CACNG6: variants seen among roughly 807,000 people sequenced by gnomAD.
CACNG6 encodes voltage-dependent calcium channel gamma-6 subunit.
In CACNG6, 21 loss-of-function variants were observed where a neutral mutation model predicts 23.9. The ratio of observed to expected loss-of-function variants is 0.88; its 90% CI spans 0.62 to 1.26. CACNG6 has a LOEUF of 1.26. Ranked by LOEUF, CACNG6 falls within the 50% of genes most tolerant of loss-of-function variation. The probability of loss-of-function intolerance (pLI) is 0.00; values close to 1 mark genes in which losing one functional copy is unlikely to be tolerated. For synonymous variants in CACNG6, 182 were observed against 168.9 expected, an observed-to-expected ratio of 1.08 and a Z score of -0.60; for missense variants, 340 against 352.9, an observed-to-expected ratio of 0.96 and a Z score of 0.29.
chr19:53,992,877 G>T lies in CACNG6; in HGVS notation c.-1G>T, dbSNP rs781663388. Reference sequence around the variant, plus strand: ...CCCTTCCCGACCCCACCGGCCATAAGATGATGTGGTCCAACTTCTTCCTGC... The same window carrying T: ...CCCTTCCCGACCCCACCGGCCATAATATGATGTGGTCCAACTTCTTCCTGC... On this transcript the variant is annotated 5_prime_UTR_variant, in exon 1 of 4. Transcript: ENST00000252729. This position sits in a 1 kb window ranked among gnomAD's most constrained non-coding sequence, Gnocchi z 4.1. The T allele has an allele frequency of 9.3e-6, 13 of 1,394,284 alleles. No homozygotes were observed. In the African/African-American group the frequency reaches 1.8e-4, roughly 19 times the overall value. The allele number at this position is 1,394,284 out of a possible 1,614,324, so 86.4% of individuals were successfully genotyped here. A position where few individuals can be genotyped will look rare whatever the true frequency, so the allele number is the denominator to read the frequency against.
intron 3 of CACNG6, among the ~76,000 whole-genome samples, chr19:54,004,912 T>TAAATAAATAAATAAATAAATAAA (rs1385957632): frequency 2.1e-4 from 32 of 151,778 alleles, no homozygotes; most frequent in African/African-American, 7.5e-4. Flanking sequence ...AATAAATAAA[T>TAAATAAATAAATAAATAAATAAA]AAATAAATAA....
At position 53,995,339 on chromosome 19, in the gene CACNG6, C is replaced by T. The variant is rs190047099; in HGVS notation, c.331+2131C>T. Among the ~76,000 whole-genome samples the T allele has an allele frequency of 3.3e-5, 5 of 152,256 alleles. No homozygotes were observed. In the East Asian group the frequency reaches 9.7e-4, roughly 29 times the overall value. On this transcript the variant is annotated intron_variant, in intron 1 of 3. Coordinates refer to ENST00000252729, the MANE Select transcript of CACNG6 (RefSeq NM_145814.2). ...ACGTTATCTTACAAACCCAACCCCT[C>T]AGAGGACATCTCTCAATCTTCATTA...
At chr19:53,998,627 T>A (rs1438123723) in intron 2 of CACNG6, among the ~76,000 whole-genome samples, 1 of 149,968 alleles carries the variant, frequency 6.7e-6, no homozygotes, top group Non-Finnish European at 1.5e-5. Context: ...TTCACCTACC[T>A]CAGCCTCCTG....
In CACNG6 at chr19:53,999,536, C is replaced by A. The variant is rs560941444; in HGVS notation, c.407-98C>A. 1.6e-5 allele frequency: 22 copies of A among 1,412,462 alleles called. 1 individual carries two copies. The South Asian group carries it at 2.0e-4, about 13-fold the overall frequency. 87.5% of individuals were successfully genotyped at this position (1,412,462 alleles called of 1,614,324 possible). A position where few individuals can be genotyped will look rare whatever the true frequency, so the allele number is the denominator to read the frequency against. ...CTACTTGAAAATTCTTCTCTCGTCC[C>A]GAATCTTACATCTTCCTGGTTCTGG... On this transcript the variant is annotated intron_variant, in intron 2 of 3. Transcript: ENST00000252729.
At chr19:54,001,761 G>A (rs2069578107) in intron 3 of CACNG6, among the ~76,000 whole-genome samples, 2 of 152,184 alleles carry the variant, frequency 1.3e-5, no homozygotes, top group African/African-American at 4.8e-5. Flanking sequence ...AGTGTGACAG[G>A]AGTGTGGAGA....
chr19:54,002,122 C>T (rs1053937621), intron 3 of CACNG6, among the ~76,000 whole-genome samples: 2 of 151,560 alleles, frequency 1.3e-5, no homozygotes, highest in African/African-American at 2.4e-5. Context: ...GGGTCTCGCT[C>T]TCTCATCCAG....
chr19:53,992,864 C>A lies in CACNG6; in HGVS notation c.-14C>A. The A allele has an allele frequency of 7.3e-7, 1 of 1,376,938 alleles. No individual in the cohort carries two copies. The highest frequency in any genetic ancestry group is 9.4e-7 in the Non-Finnish European group (1 of 1,062,842). The allele number at this position is 1,376,938 out of a possible 1,614,324, so 85.3% of individuals were successfully genotyped here. A position where few individuals can be genotyped will look rare whatever the true frequency, so the allele number is the denominator to read the frequency against. On this transcript the variant is annotated 5_prime_UTR_variant, in exon 1 of 4. Coordinates refer to ENST00000252729, the MANE Select transcript of CACNG6 (RefSeq NM_145814.2). The surrounding 1 kb of genome is among the most constrained non-coding windows in gnomAD (Gnocchi z 4.1). The stretch of plus-strand genomic sequence containing the variant: ...CTCTGCCTCCTCCCCCTTCCCGACC[C>A]CACCGGCCATAAGATGATGTGGTCC...
intron 3 of CACNG6, among the ~76,000 whole-genome samples, chr19:54,006,355 A>T (rs307962): frequency 0.74 from 111,402 of 151,000 alleles, 41,583 homozygotes; most frequent in East Asian, 0.95. Flanking sequence ...TACAACAGAG[A>T]TTGATTTCCT....
intron 2 of CACNG6, 51 bp downstream of exon 2, chr19:53,998,364 G>C: frequency 3.3e-6 from 5 of 1,523,398 alleles, no homozygotes; most frequent in Non-Finnish European, 4.5e-6. Flanking sequence ...AATGCTGAGC[G>C]TGCTGGAGGA....
rs1568815959 is a variant in CACNG6 at position 54,004,190 on chromosome 19, C to T, written c.544+4419C>T. Among the ~76,000 whole-genome samples, 4 of 151,300 alleles carry T rather than the reference C, an allele frequency of 2.6e-5. No individual in the cohort carries two copies. In the South Asian group the frequency reaches 8.4e-4, roughly 32 times the overall value. On this transcript the variant is annotated intron_variant, in intron 3 of 3. Transcript: ENST00000252729. ...CTTTTTTTTTTTTGAGACGGAGTTT[C>T]GCTCTTGTTGCCCAGGCTGGAGTGC...
rs2069540339 is a variant in CACNG6 at position 53,998,250 on chromosome 19, A to G, written c.343A>G (p.Thr115Ala). The change falls in exon 2 of 4, where the codon ACC (threonine) becomes GCC (alanine). Residue 115 changes from threonine to alanine, a missense_variant. Thr to Ala is a moderately conservative substitution (Grantham distance 58, BLOSUM62 0). Transcript: ENST00000252729. ...TCCTGCTCCCACAGAAGCAAACTGC[A>G]CCTATTTTAAATTCTTCACCACGGG... ...PAELPGEANC[T>A]YFKFFTTGEN... 1.9e-6 allele frequency: 3 copies of G among 1,613,932 alleles called. No homozygotes were observed. Among genetic ancestry groups the G allele is most frequent in the African/African-American group, 1.3e-5 (1 of 75,016 alleles).
chr19:53,991,809 G>C lies in CACNG6; in HGVS notation c.-1069G>C, dbSNP rs2069463291. 6.6e-6 allele frequency among the ~76,000 whole-genome samples: 1 copy of C among 152,158 alleles called. No individual in the cohort carries two copies. Among genetic ancestry groups the C allele is most frequent in the African/African-American group, 2.4e-5 (1 of 41,436 alleles). ...AGCCTGGCGCGAACCCGACCGGGAA[G>C]GCCCTGGGAGCCCGGGGGAGGGAGA... On this transcript the variant is annotated 5_prime_UTR_variant, in exon 1 of 4. Transcript: ENST00000252729.
In CACNG6 at chr19:53,998,363, C is replaced by A. The variant is rs777012220; in HGVS notation, c.406+50C>A. On this transcript the variant is annotated intron_variant, in intron 2 of 3. Coordinates refer to ENST00000252729, the MANE Select transcript of CACNG6 (RefSeq NM_145814.2). The stretch of plus-strand genomic sequence containing the variant: ...GGTGACAGGTGGGGGAAATGCTGAG[C>A]GTGCTGGAGGAGTTCTAGAGAGAGT... 4 of 1,530,024 alleles carry A rather than the reference C, an allele frequency of 2.6e-6. No homozygotes were observed. In the South Asian group the frequency reaches 4.5e-5, roughly 17 times the overall value. The allele number at this position is 1,530,024 out of a possible 1,614,324, so 94.8% of individuals were successfully genotyped here. A position where few individuals can be genotyped will look rare whatever the true frequency, so the allele number is the denominator to read the frequency against.
At chr19:53,999,871 G>A (rs773502746) in intron 3 of CACNG6, 100 bp downstream of exon 3, 144 of 1,411,392 alleles carry the variant, frequency 1.0e-4, no homozygotes, top group African/African-American at 3.4e-4. Context: ...ACTGTTGCAC[G>A]CTCAGAGATG....
chr19:53,995,878 T>C (rs2145954192), intron 1 of CACNG6, among the ~76,000 whole-genome samples: 2 of 152,288 alleles, frequency 1.3e-5, no homozygotes, highest in East Asian at 3.9e-4. Context: ...ACGAGGCTGG[T>C]CTCAAACTCC....
At chr19:54,003,435 A>G (rs1443897519) in intron 3 of CACNG6, among the ~76,000 whole-genome samples, 2 of 152,068 alleles carry the variant, frequency 1.3e-5, no homozygotes, top group African/African-American at 4.8e-5. Flanking sequence ...ATCTCGGCTC[A>G]CTGCAACCTC....
intron 3 of CACNG6, among the ~76,000 whole-genome samples, chr19:54,006,517 C>CTTTCTTTTTTTTTTTTTTTTT (rs2069646652): frequency 9.3e-6 from 1 of 107,332 alleles, no homozygotes; most frequent in African/African-American, 3.8e-5. Context: ...TTCCTTCTTT[C>CTTTCTTTTTTTTTTTTTTTTT]TTTTCTTTTT....
At position 53,993,187 on chromosome 19, in the gene CACNG6, G is replaced by T; in HGVS notation, c.310G>T (p.Gly104Cys). Reference protein sequence around the residue: ...ADVPVDRDTCGPAELPGEANC... With the variant: ...ADVPVDRDTCCPAELPGEANC... ...CGTGCCCGTGGACAGGGACACCTGCGGCCCCGCGGAGCTGCCCGGAGGTGA... is the reference window on the plus strand; with the variant it reads ...CGTGCCCGTGGACAGGGACACCTGCTGCCCCGCGGAGCTGCCCGGAGGTGA... Residue 104 changes from glycine to cysteine, a missense_variant, in exon 1 of 4, where the codon GGC becomes TGC. By Grantham distance (159) the Gly-to-Cys change is radical (BLOSUM62 -3). Coordinates refer to ENST00000252729, the MANE Select transcript of CACNG6 (RefSeq NM_145814.2). The T allele has an allele frequency of 6.5e-7, 1 of 1,541,986 alleles. No individual in the cohort carries two copies.
At chr19:53,997,984 A>G (rs913304570) in intron 1 of CACNG6, among the ~76,000 whole-genome samples, 1 of 152,178 alleles carries the variant, frequency 6.6e-6, no homozygotes, top group African/African-American at 2.4e-5. Flanking sequence ...AGGAGGAACT[A>G]GAGACCCAGA....
Sources: allele counts gnomAD v4.1 joint callset (sites outside exome capture counted in the v4.1 genomes callset), GRCh38; gene constraint gnomAD v4.1.1; non-coding constraint Gnocchi (gnomAD v3.1); transcripts MANE v1.5; gene names NCBI Gene and HGNC (gene_info 2026-07-23, HGNC 2026-07-21).